Variants in STARD13 observed in about 807,000 individuals in gnomAD.
The protein encoded by STARD13 is stAR-related lipid transfer protein 13.
STARD13 carries 62 observed loss-of-function variants against 106.4 expected under a neutral mutation model. The ratio of observed to expected loss-of-function variants is 0.58; its 90% CI spans 0.48 to 0.72. The LOEUF (loss-of-function observed/expected upper bound fraction) is 0.72. Ranked by LOEUF, STARD13 falls within the 30% of genes least tolerant of loss-of-function variation. The pLI, the probability that STARD13 is intolerant of heterozygous loss-of-function variation, is 0.00. For missense variants in STARD13, 1,387 were observed against 1,424.0 expected (o/e 0.97, Z 0.42); for synonymous variants, 565 against 553.0 (o/e 1.02, Z -0.31).
the STARD13 span, among the ~76,000 whole-genome samples, chr13:33,625,104 G>A: frequency 6.6e-6 from 1 of 152,202 alleles, no homozygotes; most frequent in Admixed American, 6.5e-5. Flanking sequence ...CCTTTTCTGA[G>A]AATCAAGTCA....
chr13:33,638,672 T>C, the STARD13 span, among the ~76,000 whole-genome samples: 1 of 152,192 alleles, frequency 6.6e-6, no homozygotes, highest in African/African-American at 2.4e-5. Flanking sequence ...TGTTTTAATG[T>C]TAGTGCTGGT....
chr13:33,267,309 TC>T (rs1206366849), intron 1 of STARD13, among the ~76,000 whole-genome samples: 1 of 151,982 alleles, frequency 6.6e-6, no homozygotes, highest in Non-Finnish European at 1.5e-5. Context: ...TCCCTCAATC[TC>T]CCAGTAAAGA....
At chr13:33,154,467 C>T (rs1881707094) in intron 3 of STARD13, among the ~76,000 whole-genome samples, 1 of 152,156 alleles carries the variant, frequency 6.6e-6, no homozygotes, top group African/African-American at 2.4e-5. Context: ...GACACGATAT[C>T]TATGTGGAAC....
intron 1 of STARD13, among the ~76,000 whole-genome samples, chr13:33,292,199 C>A (rs1406433306): frequency 6.6e-6 from 1 of 152,040 alleles, no homozygotes; most frequent in Non-Finnish European, 1.5e-5. Flanking sequence ...GCTTAAGATG[C>A]CTCTCTGACA....
At chr13:33,282,103 C>A (rs1202372244) in intron 1 of STARD13, among the ~76,000 whole-genome samples, 8 of 152,098 alleles carry the variant, frequency 5.3e-5, no homozygotes, top group African/African-American at 1.9e-4. Flanking sequence ...CACTCCCAAG[C>A]GCCAGTCAGT....
the STARD13 span, among the ~76,000 whole-genome samples, chr13:33,521,111 C>A: frequency 1.1e-4 from 16 of 152,248 alleles, no homozygotes; most frequent in South Asian, 3.3e-3. Context: ...AGAGCCCATG[C>A]CCTCAGTATT....
chr13:33,501,031 T>C, the STARD13 span, among the ~76,000 whole-genome samples: 1 of 142,520 alleles, frequency 7.0e-6, no homozygotes, highest in Non-Finnish European at 1.5e-5. Flanking sequence ...CCTAAAAAAA[T>C]AACAAAAAAC....
the STARD13 span, among the ~76,000 whole-genome samples, chr13:33,538,454 C>T: frequency 6.6e-6 from 1 of 152,112 alleles, no homozygotes; most frequent in African/African-American, 2.4e-5. Flanking sequence ...GAAAGGGTCA[C>T]CTCAGGAGTA....
chr13:33,399,754 C>A, the STARD13 span, among the ~76,000 whole-genome samples: 6 of 133,810 alleles, frequency 4.5e-5, no homozygotes, highest in Non-Finnish European at 8.1e-5. Context: ...ACAAATCAAG[C>A]ATCAATTAAA....
Position 33,266,901 on chromosome 13 carries a change from T to C in STARD13, c.169+18569A>G, listed in dbSNP as rs1890923679. ...AAAAGATCTTGCACACAATCGGCTT[T>C]GAACAAATATTTGTTGAGATATTGA... On this transcript the variant is annotated intron_variant, in intron 1 of 13. Coordinates refer to ENST00000336934, the MANE Select transcript of STARD13 (RefSeq NM_178006.4). Among the ~76,000 whole-genome samples, 3 of 152,258 alleles carry C rather than the reference T, an allele frequency of 2.0e-5. No homozygotes were observed. The South Asian group carries it at 6.2e-4, about 31-fold the overall frequency.
At chr13:33,283,085 G>T (rs1236158117) in intron 1 of STARD13, among the ~76,000 whole-genome samples, 1 of 152,070 alleles carries the variant, frequency 6.6e-6, no homozygotes, top group Non-Finnish European at 1.5e-5. Flanking sequence ...CTGTGTTATT[G>T]GGTAGTAACT....
the STARD13 span, among the ~76,000 whole-genome samples, chr13:33,447,385 C>T: frequency 1.3e-5 from 2 of 152,166 alleles, no homozygotes; most frequent in African/African-American, 4.8e-5. Flanking sequence ...CTCTCCTTGC[C>T]TCTGGCTAGC....
At chr13:33,564,144 G>T in the STARD13 span, among the ~76,000 whole-genome samples, 1 of 140,520 alleles carries the variant, frequency 7.1e-6, no homozygotes, top group Non-Finnish European at 1.5e-5. Flanking sequence ...GGAGGCAGAG[G>T]TTGTGGTGAG....
At chr13:33,127,862 TGA>T (rs1302837617) in intron 5 of STARD13, among the ~76,000 whole-genome samples, 1 of 102,314 alleles carries the variant, frequency 9.8e-6, no homozygotes, top group Non-Finnish European at 2.4e-5. Flanking sequence ...TGTGTGTGAG[TGA>T]GTGTGTGTGT....
chr13:33,302,009 G>A (rs1892739491), intron 1 of STARD13, among the ~76,000 whole-genome samples: 1 of 152,150 alleles, frequency 6.6e-6, no homozygotes, highest in South Asian at 2.1e-4. Context: ...GATAATTGGA[G>A]TAGAATTAAA....
chr13:33,248,512 G>A (rs541549855), intron 1 of STARD13, among the ~76,000 whole-genome samples: 2 of 152,156 alleles, frequency 1.3e-5, no homozygotes, highest in Non-Finnish European at 2.9e-5. Context: ...TACCAGTTGG[G>A]GTCCAGACTT....
the STARD13 span, among the ~76,000 whole-genome samples, chr13:33,632,601 G>A: frequency 8.1e-3 from 1,227 of 152,158 alleles, 15 homozygotes; most frequent in African/African-American, 0.028. Flanking sequence ...TGGTGCTTTC[G>A]TAGAAAAAAG....
At chr13:33,258,856 T>G (rs2138314484) in intron 1 of STARD13, among the ~76,000 whole-genome samples, 1 of 152,354 alleles carries the variant, frequency 6.6e-6, no homozygotes, top group African/African-American at 2.4e-5. Context: ...TCTCTCACTG[T>G]GCTTGACTAC....
chr13:33,247,026 G>A (rs9597049), intron 1 of STARD13, among the ~76,000 whole-genome samples: 12,609 of 151,874 alleles, frequency 0.083, 658 homozygotes, highest in African/African-American at 0.14. Flanking sequence ...GTGAAACCCC[G>A]TCTCTAGTAA....
Sources: gnomAD v4.1 joint callset for allele counts (sites outside exome capture counted in the v4.1 genomes callset) on GRCh38, gnomAD v4.1.1 for gene constraint, MANE v1.5 for transcripts, NCBI Gene and HGNC (gene_info 2026-07-23, HGNC 2026-07-21) for gene names.